Variants in DCAF8L2 observed in about 807,000 individuals in gnomAD.
DCAF8L2 encodes the protein DDB1- and CUL4-associated factor 8-like protein 2.
For missense variants in DCAF8L2, 430 were observed against 490.7 expected (o/e 0.88, Z 1.17); for synonymous variants, 200 against 190.9 (o/e 1.05, Z -0.39).
intron 4 of DCAF8L2, among the ~76,000 whole-genome samples, chrX:27,726,556 G>A (rs1405966641): frequency 9.0e-6 from 1 of 111,024 alleles, no homozygotes; most frequent in African/African-American, 3.3e-5. Flanking sequence ...ATATATTACT[G>A]TTGCTCCAGA....
chrX:27,577,269 A>G, the DCAF8L2 span, among the ~76,000 whole-genome samples: 1 of 111,812 alleles, frequency 8.9e-6, no homozygotes, highest in Non-Finnish European at 1.9e-5. Context: ...CTCAAATATG[A>G]TGGTACAAAG....
intron 1 of DCAF8L2, among the ~76,000 whole-genome samples, chrX:27,592,673 G>A (rs935263015): frequency 1.5e-4 from 17 of 110,419 alleles, no homozygotes; most frequent in Non-Finnish European, 2.1e-4. Context: ...TCCTGACCTC[G>A]TGATCTGCCC....
chrX:27,685,983 T>C (rs760640158), intron 3 of DCAF8L2, among the ~76,000 whole-genome samples: 1 of 111,784 alleles, frequency 8.9e-6, no homozygotes, highest in African/African-American at 3.2e-5. Flanking sequence ...CATATAAAAA[T>C]GCTCAACACT....
the DCAF8L2 span, among the ~76,000 whole-genome samples, chrX:27,541,219 C>T: frequency 8.9e-6 from 1 of 111,791 alleles, no homozygotes; most frequent in Non-Finnish European, 1.9e-5. Context: ...AAAGCACGGA[C>T]AGCCATGTAG....
chrX:27,666,920 C>T (rs1397059622), intron 2 of DCAF8L2, among the ~76,000 whole-genome samples: 1 of 111,924 alleles, frequency 8.9e-6, no homozygotes, highest in Non-Finnish European at 1.9e-5. Flanking sequence ...TAGTGCTTTT[C>T]AAACTTTAAT....
chrX:27,548,960 C>A, the DCAF8L2 span, among the ~76,000 whole-genome samples: 2 of 111,362 alleles, frequency 1.8e-5, no homozygotes, highest in Non-Finnish European at 3.8e-5. Context: ...AATTTTATTT[C>A]TTTTACACTA....
chrX:27,688,066 T>C (rs1336488215), intron 3 of DCAF8L2, among the ~76,000 whole-genome samples: 1 of 111,810 alleles, frequency 8.9e-6, no homozygotes, highest in Non-Finnish European at 1.9e-5. Flanking sequence ...GAATTAATTA[T>C]TGTTTTTGAG....
chrX:27,654,632 T>C (rs1347663928), intron 2 of DCAF8L2, among the ~76,000 whole-genome samples: 1 of 111,739 alleles, frequency 8.9e-6, no homozygotes, highest in African/African-American at 3.2e-5. Flanking sequence ...AATGTTTTAG[T>C]CACTTGCAGG....
chrX:27,614,409 G>A (rs1927354417), intron 1 of DCAF8L2, among the ~76,000 whole-genome samples: 1 of 110,677 alleles, frequency 9.0e-6, no homozygotes, highest in Non-Finnish European at 1.9e-5. Flanking sequence ...ACCAGCTTCT[G>A]GATTCATTGA....
chrX:27,551,168 A>G, the DCAF8L2 span, among the ~76,000 whole-genome samples: 2 of 108,843 alleles, frequency 1.8e-5, no homozygotes, highest in East Asian at 5.8e-4. Flanking sequence ...TATTGAAATT[A>G]GGCATATTAA....
chrX:27,598,974 A>ATAT (rs56388041), intron 1 of DCAF8L2, among the ~76,000 whole-genome samples: 2,686 of 92,098 alleles, frequency 0.029, 141 homozygotes, highest in African/African-American at 0.11. Flanking sequence ...AAAAAAAAAA[A>ATAT]ATATATATAT....
the DCAF8L2 span, among the ~76,000 whole-genome samples, chrX:27,470,511 A>G: frequency 8.9e-6 from 1 of 112,354 alleles, no homozygotes; most frequent in Non-Finnish European, 1.9e-5. Flanking sequence ...GATGCCGGCC[A>G]TATACTACTG....
At chrX:27,512,805 A>C in the DCAF8L2 span, among the ~76,000 whole-genome samples, 3 of 94,126 alleles carry the variant, frequency 3.2e-5, no homozygotes, top group East Asian at 3.6e-4. Flanking sequence ...AAAAAAAAAA[A>C]AAAAACAAAG....
chrX:27,494,094 CT>C, the DCAF8L2 span, among the ~76,000 whole-genome samples: 51 of 111,789 alleles, frequency 4.6e-4, no homozygotes, highest in East Asian at 0.013. Context: ...GGAATTTTGT[CT>C]CACTTCTCTT....
the DCAF8L2 span, among the ~76,000 whole-genome samples, chrX:27,576,093 A>G: frequency 1.8e-5 from 2 of 112,573 alleles, no homozygotes; most frequent in Non-Finnish European, 3.8e-5. Flanking sequence ...CTTCATTAAT[A>G]AGTCAAAGTA....
the DCAF8L2 span, among the ~76,000 whole-genome samples, chrX:27,528,026 A>AAATTAAATTTTTAATTTAATTAATTATT: frequency 4.1e-5 from 4 of 98,291 alleles, no homozygotes; most frequent in African/African-American, 1.7e-4. Flanking sequence ...ATTAATTATT[A>AAATTAAATTTTTAATTTAATTAATTATT]AATTAAATTT....
chrX:27,501,071 T>G, the DCAF8L2 span, among the ~76,000 whole-genome samples: 1 of 111,106 alleles, frequency 9.0e-6, no homozygotes, highest in African/African-American at 3.3e-5. Flanking sequence ...GAGTTTTGAG[T>G]AAATGAGTTA....
intron 4 of DCAF8L2, among the ~76,000 whole-genome samples, chrX:27,730,280 A>G (rs1270379607): frequency 5.4e-5 from 6 of 111,994 alleles, no homozygotes; most frequent in Non-Finnish European, 1.1e-4. Flanking sequence ...TTGCTTGCTT[A>G]TTTATATATT....
intron 1 of DCAF8L2, among the ~76,000 whole-genome samples, chrX:27,616,845 G>A (rs918025405): frequency 1.5e-4 from 17 of 111,292 alleles, no homozygotes; most frequent in African/African-American, 5.5e-4. Flanking sequence ...AGAAAGTAGA[G>A]GAAGAAAATA....
Sources: allele counts gnomAD v4.1 joint callset (sites outside exome capture counted in the v4.1 genomes callset), GRCh38; gene constraint gnomAD v4.1.1; transcripts MANE v1.5; gene names NCBI Gene and HGNC (gene_info 2026-07-23, HGNC 2026-07-21).